The following ZBTB20 variants were observed in gnomAD, a reference collection of about 807,000 sequenced individuals.
The protein encoded by ZBTB20 is zinc finger and BTB domain-containing protein 20.
ZBTB20 carries 9 observed loss-of-function variants against 56.9 expected under a neutral mutation model. The ratio of observed to expected loss-of-function variants is 0.16; its 90% confidence interval spans 0.10 to 0.28. The LOEUF is 0.28. Ranked by LOEUF, ZBTB20 falls within the 10% of genes least tolerant of loss-of-function variation. ZBTB20 has a pLI of 1.00. For synonymous variants in ZBTB20, 417 were observed against 420.7 expected (o/e 0.99, Z 0.11); for missense variants, 655 against 1,003.0 (o/e 0.65, Z 4.69).
intron 4 of ZBTB20, among the ~76,000 whole-genome samples, chr3:114,835,479 C>T (rs1173330069): frequency 6.6e-6 from 1 of 152,024 alleles, no homozygotes; most frequent in Non-Finnish European, 1.5e-5. Flanking sequence ...ATGAAGTGAT[C>T]ATTTCTTCCC....
rs377004453 is a variant in ZBTB20, at chr3:114,439,572, T to C, written c.-254-50467A>G. Among the ~76,000 whole-genome samples, 9 of 152,228 alleles carry C rather than the reference T, an allele frequency of 5.9e-5. No individual in the cohort carries two copies. The East Asian group carries it at 1.5e-3, about 26-fold the overall frequency. ...AAAATGTATGTATGTATGAAGAAAG[T>C]AGAGATTTAAAGAGCTCAGACCAAC... On this transcript the variant is annotated intron_variant, in intron 7 of 11. Coordinates refer to ENST00000675478, the MANE Select transcript of ZBTB20 (RefSeq NM_001348800.3).
chr3:114,964,240 C>G (rs557725084), intron 3 of ZBTB20, among the ~76,000 whole-genome samples: 1 of 152,016 alleles, frequency 6.6e-6, no homozygotes, highest in Non-Finnish European at 1.5e-5. Context: ...CATGGTGAAA[C>G]CCCGTCTCTA....
intron 5 of ZBTB20, among the ~76,000 whole-genome samples, chr3:114,696,571 AAAGG>A (rs1207641684): frequency 6.6e-6 from 1 of 152,096 alleles, no homozygotes; most frequent in Non-Finnish European, 1.5e-5. Context: ...CAGAAACTAA[AAAGG>A]AAGACCAAAA....
intron 6 of ZBTB20, among the ~76,000 whole-genome samples, chr3:114,683,633 C>A (rs969475982): frequency 2.0e-5 from 3 of 152,102 alleles, no homozygotes; most frequent in African/African-American, 7.2e-5. Context: ...GAGGCTAGAA[C>A]ATCTCTTTTT....
At chr3:114,497,391 C>A (rs1253611815) in intron 7 of ZBTB20, among the ~76,000 whole-genome samples, 1 of 152,168 alleles carries the variant, frequency 6.6e-6, no homozygotes, top group Non-Finnish European at 1.5e-5. Flanking sequence ...TGCTTTCCAG[C>A]CCAATCTCAT....
At chr3:114,383,972 C>T (rs962102549) in intron 8 of ZBTB20, among the ~76,000 whole-genome samples, 2 of 152,198 alleles carry the variant, frequency 1.3e-5, no homozygotes, top group African/African-American at 4.8e-5. Flanking sequence ...TAGAGGGCAG[C>T]AGCACACTGG....
At chr3:114,464,085 A>G (rs2092440448) in intron 7 of ZBTB20, among the ~76,000 whole-genome samples, 1 of 152,196 alleles carries the variant, frequency 6.6e-6, no homozygotes, top group African/African-American at 2.4e-5. Context: ...TGATTTACAC[A>G]TCTCCAAATT....
At chr3:115,045,768 T>G in intron 2 of ZBTB20, among the ~76,000 whole-genome samples, 1 of 152,300 alleles carries the variant, frequency 6.6e-6, no homozygotes, top group Admixed American at 6.5e-5. Flanking sequence ...TTTCTTTCAT[T>G]ATACTACTGA....
intron 1 of ZBTB20, among the ~76,000 whole-genome samples, chr3:115,143,449 C>T (rs942321528): frequency 5.9e-5 from 9 of 152,130 alleles, no homozygotes; most frequent in Non-Finnish European, 1.2e-4. Flanking sequence ...GGGCGGATCA[C>T]TTGAGCCCAG....
In ZBTB20 at chr3:114,717,135, C is replaced by T. The variant is rs1454052103; in HGVS notation, c.-342-23560G>A. Among the ~76,000 whole-genome samples, 4 of 152,192 alleles carry T rather than the reference C, an allele frequency of 2.6e-5. No individual in the cohort carries two copies. The South Asian group carries it at 8.3e-4, about 32-fold the overall frequency. On this transcript the variant is annotated intron_variant, in intron 5 of 11. Transcript: ENST00000675478. ...CCTTGCAGAGCCTTGGTTTCCTTTT[C>T]CATTAAAACAAAACAATCTAACCAC...
chr3:115,024,060 A>G (rs1249024009), intron 2 of ZBTB20, among the ~76,000 whole-genome samples: 1 of 151,066 alleles, frequency 6.6e-6, no homozygotes, highest in Non-Finnish European at 1.5e-5. Context: ...TAGCATATGG[A>G]AAGTTTTTGT....
At position 114,320,922 on chromosome 3, in the gene ZBTB20, A is replaced by C. The variant is rs2078871919; in HGVS notation, c.*18083T>G. ...ATAAACTCCTGACAAGCTATGCCCT[A>C]GAATTGCAGCCTCCAAACCTTGCCC... On this transcript the variant is annotated 3_prime_UTR_variant, in exon 12 of 12. Transcript: ENST00000675478. The C allele has an allele frequency of 6.6e-6, 1 of 152,242 alleles. No individual in the cohort carries two copies. The highest frequency in any genetic ancestry group is 1.5e-5 in the Non-Finnish European group (1 of 68,040). The allele number at this position is 152,242 out of a possible 1,614,324, so 9.4% of individuals were successfully genotyped here.
intron 6 of ZBTB20, among the ~76,000 whole-genome samples, chr3:114,539,117 TA>T (rs959347841): frequency 6.6e-6 from 1 of 152,182 alleles, no homozygotes. Flanking sequence ...ATCTTTAGTG[TA>T]TAAGTGTCCA....
At chr3:114,759,135 C>CA in intron 5 of ZBTB20, 1 of 152,268 alleles carries the variant, frequency 6.6e-6, no homozygotes, top group Non-Finnish European at 1.5e-5. Flanking sequence ...AGTCTTTTCT[C>CA]CAAAGGAGAA....
intron 5 of ZBTB20, among the ~76,000 whole-genome samples, chr3:114,735,022 T>C (rs1456648269): frequency 6.6e-6 from 1 of 151,854 alleles, no homozygotes. Flanking sequence ...CTGGGAATAG[T>C]TCTTTTTTTT....
intron 7 of ZBTB20, among the ~76,000 whole-genome samples, chr3:114,490,782 T>C (rs1458970655): frequency 2.0e-5 from 3 of 152,206 alleles, no homozygotes; most frequent in Non-Finnish European, 4.4e-5. Flanking sequence ...TGATGCATAC[T>C]AGAGGCTTGG....
intron 4 of ZBTB20, among the ~76,000 whole-genome samples, chr3:114,860,106 A>G (rs558879261): frequency 1.2e-4 from 19 of 152,280 alleles, no homozygotes; most frequent in African/African-American, 4.6e-4. Flanking sequence ...CAGGAGATCA[A>G]GACCATCCTG....
chr3:114,396,828 T>C (rs1050276211), intron 7 of ZBTB20, among the ~76,000 whole-genome samples: 10 of 152,270 alleles, frequency 6.6e-5, no homozygotes, highest in African/African-American at 1.9e-4. Flanking sequence ...AATAATTTAA[T>C]CCAAAAACTC....
chr3:115,124,732 T>C (rs537803743), intron 1 of ZBTB20, among the ~76,000 whole-genome samples: 1 of 152,194 alleles, frequency 6.6e-6, no homozygotes, highest in South Asian at 2.1e-4. Flanking sequence ...GGCAAATCAC[T>C]GAGGAAACAC....
Sources: gnomAD v4.1 joint callset for allele counts (sites outside exome capture counted in the v4.1 genomes callset) on GRCh38, gnomAD v4.1.1 for gene constraint, MANE v1.5 for transcripts, NCBI Gene and HGNC (gene_info 2026-07-23, HGNC 2026-07-21) for gene names.